Variants in SEMA6D observed in about 807,000 individuals in gnomAD.
The protein encoded by SEMA6D is semaphorin-6D.
A neutral mutation model predicts 106.6 loss-of-function variants in SEMA6D; 35 were observed. The observed-to-expected ratio is 0.33, with a 90% CI of 0.25 to 0.44. SEMA6D has a LOEUF of 0.44. Among genes scored for constraint, SEMA6D ranks in the 20% least tolerant of loss-of-function variants. SEMA6D has a pLI of 1.00. For synonymous variants in SEMA6D, 499 were observed against 487.7 expected (o/e 1.02, Z -0.31); for missense variants, 1,185 against 1,345.9 (o/e 0.88, Z 1.87).
chr15:47,401,374 G>T (rs2040394327), intron 1 of SEMA6D, among the ~76,000 whole-genome samples: 1 of 152,132 alleles, frequency 6.6e-6, no homozygotes, highest in Non-Finnish European at 1.5e-5. Flanking sequence ...ATCATAAAAT[G>T]TTGGCAGTAC....
intron 2 of SEMA6D, among the ~76,000 whole-genome samples, chr15:47,443,742 T>G (rs2041947549): frequency 6.6e-6 from 1 of 152,058 alleles, no homozygotes; most frequent in African/African-American, 2.4e-5. Flanking sequence ...TAAAGAGAAA[T>G]TTTCATCAAT....
chr15:47,448,159 C>T (rs973279106), intron 2 of SEMA6D, among the ~76,000 whole-genome samples: 3 of 152,114 alleles, frequency 2.0e-5, no homozygotes, highest in Non-Finnish European at 4.4e-5. Flanking sequence ...TGTTTCTGCA[C>T]TCACTTGTCA....
chr15:47,666,920 G>T (rs1372524312), intron 4 of SEMA6D, among the ~76,000 whole-genome samples: 1 of 152,162 alleles, frequency 6.6e-6, no homozygotes, highest in Non-Finnish European at 1.5e-5. Flanking sequence ...AGGCCACCAT[G>T]CTGGGAGAGT....
At chr15:47,321,790 A>G (rs538836429) in intron 1 of SEMA6D, among the ~76,000 whole-genome samples, 70 of 152,276 alleles carry the variant, frequency 4.6e-4, no homozygotes, top group South Asian at 1.0e-3. Context: ...GAGAGTGGCT[A>G]CCTACCATTT....
chr15:47,499,954 G>A (rs2043796084), intron 3 of SEMA6D, among the ~76,000 whole-genome samples: 1 of 152,022 alleles, frequency 6.6e-6, no homozygotes, highest in Non-Finnish European at 1.5e-5. Flanking sequence ...ATGGCTACTT[G>A]AAGGATAGTT....
intron 3 of SEMA6D, among the ~76,000 whole-genome samples, chr15:47,471,929 T>TCACACACA (rs1451428855): frequency 1.3e-3 from 142 of 106,030 alleles, no homozygotes; most frequent in Non-Finnish European, 1.6e-3. Flanking sequence ...TCTCTCTCTC[T>TCACACACA]CTCACACACA....
At chr15:47,600,400 A>G (rs1044916857) in intron 3 of SEMA6D, among the ~76,000 whole-genome samples, 46 of 152,158 alleles carry the variant, frequency 3.0e-4, no homozygotes, top group Admixed American at 2.0e-3. Flanking sequence ...AGAGAAGTTC[A>G]TGAAGAAAAA....
At chr15:47,723,233 A>G (rs1367278054) in intron 1 of SEMA6D, among the ~76,000 whole-genome samples, 1 of 151,956 alleles carries the variant, frequency 6.6e-6, no homozygotes, top group Admixed American at 6.6e-5. Context: ...CTTTACTTTC[A>G]TTTTTTATTT....
At chr15:47,481,563 A>G (rs577229997) in intron 3 of SEMA6D, among the ~76,000 whole-genome samples, 75 of 152,302 alleles carry the variant, frequency 4.9e-4, no homozygotes, top group Non-Finnish European at 6.0e-4. Flanking sequence ...GTTTTAGGTC[A>G]CAACCATTGC....
chr15:47,694,787 C>G (rs1596657852), intron 4 of SEMA6D, among the ~76,000 whole-genome samples: 1 of 152,194 alleles, frequency 6.6e-6, no homozygotes, highest in South Asian at 2.1e-4. Flanking sequence ...GGCAGCTTTT[C>G]TCAAATCAGA....
chr15:47,584,809 G>T (rs1198256164), intron 3 of SEMA6D, among the ~76,000 whole-genome samples: 1 of 152,126 alleles, frequency 6.6e-6, no homozygotes, highest in Non-Finnish European at 1.5e-5. Context: ...TTTCATTCAT[G>T]CATGTATTCA....
At chr15:47,369,836 A>G (rs551125016) in intron 1 of SEMA6D, among the ~76,000 whole-genome samples, 10 of 152,360 alleles carry the variant, frequency 6.6e-5, no homozygotes, top group African/African-American at 2.4e-4. Flanking sequence ...TGAGGCATCT[A>G]CTGCAAAATA....
chr15:47,310,239 G>C (rs2036396132), intron 1 of SEMA6D, among the ~76,000 whole-genome samples: 1 of 152,168 alleles, frequency 6.6e-6, no homozygotes, highest in Non-Finnish European at 1.5e-5. Flanking sequence ...AGGGCTGTAA[G>C]CTCAGCTTGG....
At chr15:47,442,500 A>G (rs564058653) in intron 2 of SEMA6D, among the ~76,000 whole-genome samples, 11 of 152,210 alleles carry the variant, frequency 7.2e-5, no homozygotes, top group African/African-American at 2.2e-4. Context: ...CATATGACCT[A>G]TACCATTTGA....
chr15:47,494,691 T>C (rs1358748898), intron 3 of SEMA6D, among the ~76,000 whole-genome samples: 1 of 142,466 alleles, frequency 7.0e-6, no homozygotes, highest in African/African-American at 2.5e-5. Flanking sequence ...TTTCTCTTAT[T>C]TTTCTTCTAA....
intron 1 of SEMA6D, chr15:47,395,792 GC>G (rs895670518): frequency 3.7e-4 from 56 of 152,298 alleles, no homozygotes; most frequent in African/African-American, 1.3e-3. Context: ...AGCATAGAGG[GC>G]AGGCACAGTG....
intron 1 of SEMA6D, among the ~76,000 whole-genome samples, chr15:47,353,532 G>A (rs2038414938): frequency 6.6e-6 from 1 of 152,076 alleles, no homozygotes; most frequent in Admixed American, 6.5e-5. Context: ...CCTTCTTCCT[G>A]AAGAATTCTA....
At chr15:47,265,448 A>G (rs2034273334) in intron 1 of SEMA6D, among the ~76,000 whole-genome samples, 1 of 151,836 alleles carries the variant, frequency 6.6e-6, no homozygotes, top group East Asian at 1.9e-4. Context: ...AATAATTTAT[A>G]TTTCTTTATT....
At chr15:47,450,157 A>C (rs867313162) in intron 2 of SEMA6D, among the ~76,000 whole-genome samples, 2 of 152,166 alleles carry the variant, frequency 1.3e-5, no homozygotes, top group Non-Finnish European at 2.9e-5. Flanking sequence ...GCTCACATTA[A>C]ATGCATGTTA....
Sources: gnomAD v4.1 joint callset for allele counts (sites outside exome capture counted in the v4.1 genomes callset) on GRCh38, gnomAD v4.1.1 for gene constraint, MANE v1.5 for transcripts, NCBI Gene and HGNC (gene_info 2026-07-23, HGNC 2026-07-21) for gene names.